Variants in FNDC3A observed in about 807,000 individuals in gnomAD.
FNDC3A encodes the protein fibronectin type-III domain-containing protein 3A.
A neutral mutation model predicts 148.9 loss-of-function variants in FNDC3A; 32 were observed. That is an observed-to-expected ratio of 0.21 (90% CI 0.16 to 0.29). FNDC3A has a LOEUF of 0.29. Ranked by LOEUF, FNDC3A falls within the 10% of genes least tolerant of loss-of-function variation. The pLI is 1.00. For missense variants in FNDC3A, 1,191 were observed against 1,452.8 expected (o/e 0.82, Z 2.93); for synonymous variants, 472 against 473.6 (o/e 1.00, Z 0.04).
intron 1 of FNDC3A, among the ~76,000 whole-genome samples, chr13:49,002,282 T>A (rs184773713): frequency 6.9e-4 from 105 of 152,330 alleles, no homozygotes; most frequent in African/African-American, 2.3e-3. Flanking sequence ...TTGAGTGTGA[T>A]CTTTCCTGTA....
intron 8 of FNDC3A, among the ~76,000 whole-genome samples, chr13:49,151,348 T>G (rs139502839): frequency 6.4e-4 from 98 of 152,320 alleles, no homozygotes; most frequent in African/African-American, 2.0e-3. Flanking sequence ...ATTTTGTCTC[T>G]TTTTACTGTT....
At chr13:49,121,776 C>T (rs1881362968) in intron 4 of FNDC3A, among the ~76,000 whole-genome samples, 1 of 152,154 alleles carries the variant, frequency 6.6e-6, no homozygotes, top group Non-Finnish European at 1.5e-5. Context: ...TGGACGCATA[C>T]ACCCCCCCAA....
chr13:49,072,442 T>C (rs1489209290), intron 2 of FNDC3A, among the ~76,000 whole-genome samples: 1 of 152,204 alleles, frequency 6.6e-6, no homozygotes, highest in Non-Finnish European at 1.5e-5. Flanking sequence ...TTCTCTGCTC[T>C]ATTCTGTTGA....
At chr13:49,177,587 T>A (rs954126512) in intron 13 of FNDC3A, among the ~76,000 whole-genome samples, 2 of 152,164 alleles carry the variant, frequency 1.3e-5, no homozygotes, top group East Asian at 3.9e-4. Flanking sequence ...TACACAAATG[T>A]TCATAGCAGC....
Position 49,191,130 on chromosome 13 carries a change from A to T in FNDC3A, c.2050+10A>T, listed in dbSNP as rs1397321524. The stretch of plus-strand genomic sequence containing the variant: ...ATACAGTTACGATGGGGTAATTTCC[A>T]TTTTGGTAATAAATTATAATTAAGC... On this transcript the variant is annotated intron_variant, in intron 18 of 25. Transcript: ENST00000492622. The T allele has an allele frequency of 6.2e-7, 1 of 1,605,542 alleles. No individual in the cohort carries two copies. Among genetic ancestry groups the T allele is most frequent in the African/African-American group, 1.3e-5 (1 of 74,420 alleles).
At position 49,191,197 on chromosome 13, in the gene FNDC3A, T is replaced by TC; in HGVS notation, c.2051-10dup. 1 of 1,605,408 alleles carries TC rather than the reference T, an allele frequency of 6.2e-7. No homozygotes were observed. The highest frequency in any genetic ancestry group is 8.5e-7 in the Non-Finnish European group (1 of 1,176,270). ...CGTCTTGTTAAATTGCATTAATCTT[T>TC]CCATCTTTTAGGACCCCCTCTGGTT... On this transcript the variant is annotated splice_polypyrimidine_tract_variant and intron_variant, in intron 18 of 25. Transcript: ENST00000492622.
intron 10 of FNDC3A, among the ~76,000 whole-genome samples, chr13:49,170,184 G>C (rs897199017): frequency 4.6e-5 from 7 of 152,028 alleles, no homozygotes; most frequent in Non-Finnish European, 8.8e-5. Context: ...TAATCAACAT[G>C]GTTGGAAAAA....
chr13:49,170,307 A>G (rs1884689977), intron 10 of FNDC3A, among the ~76,000 whole-genome samples: 1 of 152,164 alleles, frequency 6.6e-6, no homozygotes, highest in African/African-American at 2.4e-5. Flanking sequence ...TAATGAGCGT[A>G]ATAACTATTG....
chr13:49,017,710 A>G (rs571470792), intron 2 of FNDC3A, among the ~76,000 whole-genome samples: 21 of 151,564 alleles, frequency 1.4e-4, no homozygotes, highest in Admixed American at 7.2e-4. Flanking sequence ...TGGTCTTTAC[A>G]TTTTGGCATG....
intron 19 of FNDC3A, among the ~76,000 whole-genome samples, chr13:49,196,229 T>TG (rs1263168948): frequency 2.0e-5 from 3 of 152,158 alleles, no homozygotes; most frequent in African/African-American, 7.2e-5. Flanking sequence ...ACCAGTGTAT[T>TG]GGGGCTTTTC....
At chr13:49,128,681 TGACCTGACCACCCTATC>T (rs1256279350) in intron 4 of FNDC3A, among the ~76,000 whole-genome samples, 2 of 152,196 alleles carry the variant, frequency 1.3e-5, no homozygotes, top group African/African-American at 4.8e-5. Flanking sequence ...TCGTGGTGCC[TGACCTGACCACCCTATC>T]ACCGCTTCAT....
At chr13:49,034,346 T>C (rs942520692) in intron 2 of FNDC3A, among the ~76,000 whole-genome samples, 1 of 152,030 alleles carries the variant, frequency 6.6e-6, no homozygotes, top group African/African-American at 2.4e-5. Context: ...TTCTAAGTAA[T>C]TATATTTTGG....
At chr13:49,099,760 ATAT>A (rs1344119385) in intron 3 of FNDC3A, among the ~76,000 whole-genome samples, 1 of 152,152 alleles carries the variant, frequency 6.6e-6, no homozygotes, top group African/African-American at 2.4e-5. Flanking sequence ...ATAGTACTTA[ATAT>A]TGTAAAAATA....
At chr13:49,133,365 T>C (rs1882148626) in intron 5 of FNDC3A, among the ~76,000 whole-genome samples, 1 of 152,264 alleles carries the variant, frequency 6.6e-6, no homozygotes, top group Non-Finnish European at 1.5e-5. Flanking sequence ...ATTACTATTT[T>C]GCATTGTTAA....
At chr13:48,999,778 A>G (rs1228332173) in intron 1 of FNDC3A, among the ~76,000 whole-genome samples, 2 of 152,202 alleles carry the variant, frequency 1.3e-5, no homozygotes, top group African/African-American at 4.8e-5. Flanking sequence ...GTGTTCATAT[A>G]TAAGAAGAGT....
intron 3 of FNDC3A, among the ~76,000 whole-genome samples, chr13:49,091,428 T>G (rs541854709): frequency 1.8e-4 from 28 of 151,834 alleles, no homozygotes; most frequent in Non-Finnish European, 4.1e-4. Context: ...AGGAATGAAG[T>G]CCCTGACCAT....
chr13:49,136,667 A>G lies in FNDC3A; in HGVS notation c.760+66A>G, dbSNP rs1593642955. 2.2e-5 allele frequency: 32 copies of G among 1,469,864 alleles called. No individual in the cohort carries two copies. In the East Asian group the frequency reaches 7.1e-4, roughly 33 times the overall value. 91.1% of individuals were successfully genotyped at this position (1,469,864 alleles called of 1,614,324 possible). The stretch of plus-strand genomic sequence containing the variant: ...TCTCGTGATTTAACCTACTAAAAGT[A>G]TATTCTAACCTTTCAGTCATTTTGT... On this transcript the variant is annotated intron_variant, in intron 6 of 25. Transcript: ENST00000492622.
chr13:49,183,306 G>C (rs1284264359), intron 14 of FNDC3A, among the ~76,000 whole-genome samples: 1 of 152,086 alleles, frequency 6.6e-6, no homozygotes, highest in Non-Finnish European at 1.5e-5. Flanking sequence ...AACCATTTTA[G>C]GCCTTAGTAA....
chr13:49,158,163 A>G (rs1045443633), intron 8 of FNDC3A, among the ~76,000 whole-genome samples: 1 of 152,026 alleles, frequency 6.6e-6, no homozygotes, highest in Non-Finnish European at 1.5e-5. Context: ...CTGTGCTAGC[A>G]ATCTGTGAGA....
Sources: gnomAD v4.1 joint callset for allele counts (sites outside exome capture counted in the v4.1 genomes callset) on GRCh38, gnomAD v4.1.1 for gene constraint, MANE v1.5 for transcripts, NCBI Gene and HGNC (gene_info 2026-07-23, HGNC 2026-07-21) for gene names.